The following SLIT1 variants were observed in gnomAD, a reference collection of about 807,000 sequenced individuals.
The protein encoded by SLIT1 is slit guidance ligand 1.
In SLIT1, 66 loss-of-function variants were observed where a neutral mutation model predicts 186.1. The observed-to-expected ratio is 0.35, with a 90% CI of 0.29 to 0.44. The LOEUF is 0.44. Among genes scored for constraint, SLIT1 ranks in the 20% least tolerant of loss-of-function variants. SLIT1 has a pLI of 1.00. For missense variants in SLIT1, 1,638 were observed against 2,037.4 expected, an observed-to-expected ratio of 0.80 and a Z score of 3.77; for synonymous variants, 761 against 833.8, an observed-to-expected ratio of 0.91 and a Z score of 1.50.
chr10:97,001,276 G>A lies in SLIT1; in HGVS notation c.4441C>T (p.Arg1481Cys), dbSNP rs746275774. ...CGGCACTCCACCCATGACAGGGGGC[G>A]CGTGGTCTGGCAGATGGCATAGCCC... ...QRGYAICQTT[R>C]PLSWVECRGS... is the part of the protein sequence containing the mutation. Residue 1481 changes from arginine (R) to cysteine (C), a missense_variant, in exon 37 of 37, where the codon CGC becomes TGC. By Grantham distance (180) the Arg-to-Cys change is radical. Around this residue, in one of 3 missense-constraint regions of SLIT1, gnomAD observed 220 missense variants for 211.3 expected, o/e 1.04. Transcript: ENST00000266058. 6.8e-6 allele frequency: 11 copies of A among 1,613,176 alleles called. No homozygotes were observed. Among genetic ancestry groups the A allele is most frequent in the Middle Eastern group, 1.6e-4 (1 of 6,084 alleles).
chr10:97,156,729 C>G (rs1258286934), intron 4 of SLIT1, among the ~76,000 whole-genome samples: 1 of 152,074 alleles, frequency 6.6e-6, no homozygotes, highest in Non-Finnish European at 1.5e-5. Flanking sequence ...CTCTAGGAGC[C>G]CATGGTCAGA....
intron 4 of SLIT1, among the ~76,000 whole-genome samples, chr10:97,105,192 A>G (rs974976603): frequency 3.3e-5 from 5 of 152,374 alleles, no homozygotes; most frequent in African/African-American, 1.2e-4. Context: ...CTTAACATAA[A>G]AAAGTCAGCA....
chr10:97,128,474 C>A (rs1399736996), intron 4 of SLIT1, among the ~76,000 whole-genome samples: 2 of 152,220 alleles, frequency 1.3e-5, no homozygotes, highest in African/African-American at 2.4e-5. Flanking sequence ...AGACACCCCA[C>A]CAGCTCACTC....
intron 14 of SLIT1, 75 bp downstream of exon 14, chr10:97,048,880 T>G (rs1013904528): frequency 4.1e-6 from 6 of 1,479,476 alleles, no homozygotes; most frequent in Non-Finnish European, 5.5e-6. Context: ...GGTATGCAGG[T>G]GGACAAGTAG....
chr10:97,146,480 T>TCCTCAAGC (rs1002005834), intron 4 of SLIT1, among the ~76,000 whole-genome samples: 1 of 152,054 alleles, frequency 6.6e-6, no homozygotes, highest in African/African-American at 2.4e-5. Context: ...CTTGACTCCC[T>TCCTCAAGC]CCTCAAGCTT....
chr10:97,136,569 A>G (rs1056619011), intron 4 of SLIT1, among the ~76,000 whole-genome samples: 2 of 151,706 alleles, frequency 1.3e-5, no homozygotes. Flanking sequence ...CCCCCACAAC[A>G]AACAAACAAC....
chr10:97,032,647 T>C (rs1450018828), intron 23 of SLIT1, among the ~76,000 whole-genome samples: 1 of 151,922 alleles, frequency 6.6e-6, no homozygotes, highest in African/African-American at 2.4e-5. Flanking sequence ...GCTAAGCCAC[T>C]GTCCCAAAAT....
At chr10:97,050,461 C>T (rs1171171022) in intron 13 of SLIT1, among the ~76,000 whole-genome samples, 1 of 152,214 alleles carries the variant, frequency 6.6e-6, no homozygotes, top group Non-Finnish European at 1.5e-5. Context: ...AGTGTCTTTC[C>T]CTATTTCCCA....
In SLIT1 at chr10:97,040,084, CA is replaced by C; in HGVS notation, c.2200del (p.Cys734AlafsTer58). On this transcript the variant is annotated frameshift_variant, in exon 21 of 37. Coordinates refer to ENST00000266058, the MANE Select transcript of SLIT1 (RefSeq NM_003061.3). LOFTEE classifies it high-confidence loss of function. Reference sequence around the variant, plus strand: ...GTCCAGGCAGGCGCACTCCTGTGGGCACTGTGGGCGGGGCAGGCAGCCCCCC... The same window carrying C: ...GTCCAGGCAGGCGCACTCCTGTGGGCCTGTGGGCGGGGCAGGCAGCCCCCC... ...EEGGCLPRPQ[C>X]PQECACLDTV... 6.3e-7 allele frequency: 1 copy of C among 1,599,624 alleles called. No individual in the cohort carries two copies. The highest frequency in any genetic ancestry group is 1.1e-5 in the South Asian group (1 of 88,558).
chr10:97,161,900 A>G (rs1589416730), intron 3 of SLIT1, among the ~76,000 whole-genome samples: 1 of 152,146 alleles, frequency 6.6e-6, no homozygotes, highest in Admixed American at 6.5e-5. Context: ...ATCTCTGTGT[A>G]CCTCTCTTTC....
chr10:97,053,614 A>C (rs12269131), intron 13 of SLIT1, among the ~76,000 whole-genome samples: 56,710 of 151,972 alleles, frequency 0.37, 11,797 homozygotes, highest in African/African-American at 0.56. Context: ...AACAATGGAC[A>C]CAATAATATT....
rs189809943 is a variant in SLIT1, at chr10:97,053,560, G to A, written c.1301+2761C>T. Among the ~76,000 whole-genome samples, 9 of 152,272 alleles carry A rather than the reference G, an allele frequency of 5.9e-5. No homozygotes were observed. The East Asian group carries it at 1.7e-3, about 29-fold the overall frequency. On this transcript the variant is annotated intron_variant, in intron 13 of 36. Transcript: ENST00000266058. Reference sequence around the variant, plus strand: ...ATACCCCATGTAGATGTTATCTGATGAAGAGCACTGCCTGGCATAGACAGG... The same window carrying A: ...ATACCCCATGTAGATGTTATCTGATAAAGAGCACTGCCTGGCATAGACAGG...
intron 25 of SLIT1, among the ~76,000 whole-genome samples, chr10:97,025,832 T>G (rs1012111067): frequency 1.3e-5 from 2 of 152,200 alleles, no homozygotes; most frequent in African/African-American, 4.8e-5. Context: ...GCCCCCTGGC[T>G]GTCTTACAAG....
chr10:97,130,683 T>C (rs1448393413), intron 4 of SLIT1, among the ~76,000 whole-genome samples: 1 of 152,188 alleles, frequency 6.6e-6, no homozygotes, highest in Non-Finnish European at 1.5e-5. Flanking sequence ...ACTTAACCTC[T>C]CTGTGCCTCA....
chr10:97,036,065 G>A (rs1322772439), intron 22 of SLIT1, among the ~76,000 whole-genome samples: 1 of 152,108 alleles, frequency 6.6e-6, no homozygotes, highest in African/African-American at 2.4e-5. Context: ...TCTGGAGAGG[G>A]GGCCATGACT....
chr10:97,067,853 C>A (rs1388855718), intron 4 of SLIT1, among the ~76,000 whole-genome samples: 1 of 152,186 alleles, frequency 6.6e-6, no homozygotes, highest in Admixed American at 6.5e-5. Context: ...TTGACGGTGC[C>A]CTTCCTTTCA....
At chr10:97,037,220 G>A (rs528604523) in intron 22 of SLIT1, among the ~76,000 whole-genome samples, 4 of 152,026 alleles carry the variant, frequency 2.6e-5, no homozygotes, top group Non-Finnish European at 4.4e-5. Context: ...TCAGCCTCCC[G>A]AGTAGCTGGG....
At chr10:97,145,263 G>A (rs1392521084) in intron 4 of SLIT1, among the ~76,000 whole-genome samples, 14 of 151,980 alleles carry the variant, frequency 9.2e-5, no homozygotes, top group Non-Finnish European at 1.5e-4. Context: ...GACTACAGGC[G>A]CCTGCCATCA....
chr10:97,047,536 C>A (rs988105648), intron 16 of SLIT1, among the ~76,000 whole-genome samples, 154 bp downstream of exon 16: 1 of 152,198 alleles, frequency 6.6e-6, no homozygotes, highest in African/African-American at 2.4e-5. Context: ...GGTGGGGTTT[C>A]TTCCTGCCCA....
Sources: gnomAD v4.1 joint callset for allele counts (sites outside exome capture counted in the v4.1 genomes callset) on GRCh38, gnomAD v4.1.1 for gene constraint, gnomAD v4.1.1 regional missense constraint, MANE v1.5 for transcripts, NCBI Gene and HGNC (gene_info 2026-07-23, HGNC 2026-07-21) for gene names.